The following CMSS1 variants were observed in gnomAD, a reference collection of about 807,000 sequenced individuals.
CMSS1 encodes protein CMSS1.
In CMSS1, 33 loss-of-function variants were observed where a neutral mutation model predicts 43.5. The observed-to-expected ratio is 0.76, with a 90% CI of 0.57 to 1.01. The LOEUF (loss-of-function observed/expected upper bound fraction) is 1.01, where lower values mean the gene tolerates loss of function less well. Ranked by LOEUF, CMSS1 falls within the 50% of genes least tolerant of loss-of-function variation. The pLI is 0.00. For missense variants in CMSS1, 313 were observed against 326.4 expected (o/e 0.96, Z 0.32); for synonymous variants, 115 against 117.2 (o/e 0.98, Z 0.12).
intron 1 of CMSS1, among the ~76,000 whole-genome samples, chr3:100,104,566 C>G (rs1576066706): frequency 6.6e-6 from 1 of 152,112 alleles, no homozygotes; most frequent in East Asian, 1.9e-4. Flanking sequence ...AGGACAGTGA[C>G]CAAGGCAGAG....
At chr3:99,980,427 A>G (rs986868672) in intron 1 of CMSS1, among the ~76,000 whole-genome samples, 6 of 152,194 alleles carry the variant, frequency 3.9e-5, no homozygotes, top group Non-Finnish European at 2.9e-5. Context: ...TAACTGCCCC[A>G]TCAAGGTCTG....
At chr3:99,827,649 G>A (rs536643107) in intron 1 of CMSS1, among the ~76,000 whole-genome samples, 6 of 152,156 alleles carry the variant, frequency 3.9e-5, no homozygotes, top group Admixed American at 3.9e-4. Context: ...TTACTGCCCA[G>A]GCTGGAGTGC....
At chr3:100,049,351 G>T (rs557505368) in intron 1 of CMSS1, among the ~76,000 whole-genome samples, 1 of 152,094 alleles carries the variant, frequency 6.6e-6, no homozygotes, top group African/African-American at 2.4e-5. Flanking sequence ...GGGTCTTACC[G>T]AACTTACCAA....
chr3:99,938,085 G>A (rs575711384), intron 1 of CMSS1, among the ~76,000 whole-genome samples: 45 of 152,192 alleles, frequency 3.0e-4, no homozygotes, highest in Non-Finnish European at 4.9e-4. Flanking sequence ...GCGCGCGCGC[G>A]CGCGCGTGCA....
chr3:99,976,801 TAGA>T (rs1420121939), intron 1 of CMSS1, among the ~76,000 whole-genome samples: 2 of 152,202 alleles, frequency 1.3e-5, no homozygotes, highest in Non-Finnish European at 2.9e-5. Context: ...GATTATTTTT[TAGA>T]AGATGTTTGA....
At chr3:100,058,885 T>C (rs2065510980) in intron 1 of CMSS1, among the ~76,000 whole-genome samples, 1 of 152,264 alleles carries the variant, frequency 6.6e-6, no homozygotes, top group Non-Finnish European at 1.5e-5. Context: ...CTAGAACCTT[T>C]TTCTTTCTGA....
intron 1 of CMSS1, among the ~76,000 whole-genome samples, chr3:99,929,533 T>TGTGTGTGTAAGCACATGTATGTGTGTGC (rs1181469281): frequency 6.6e-6 from 1 of 151,664 alleles, no homozygotes; most frequent in Non-Finnish European, 1.5e-5. Flanking sequence ...TGTGTGTGTG[T>TGTGTGTGTAAGCACATGTATGTGTGTGC]GTGTGTGTAA....
chr3:100,145,794 T>C (rs1277872494), intron 1 of CMSS1, among the ~76,000 whole-genome samples: 1 of 152,238 alleles, frequency 6.6e-6, no homozygotes, highest in East Asian at 1.9e-4. Context: ...TTTCAACCAA[T>C]TGGATGAGGC....
intron 1 of CMSS1, among the ~76,000 whole-genome samples, chr3:100,077,150 C>T (rs987804328): frequency 1.3e-5 from 2 of 152,196 alleles, no homozygotes; most frequent in East Asian, 3.8e-4. Context: ...GCTTGGATAG[C>T]TTGTACTTGA....
At chr3:100,147,134 C>G in intron 2 of CMSS1, 73 bp downstream of exon 2, 2 of 1,511,724 alleles carry the variant, frequency 1.3e-6, no homozygotes, top group South Asian at 2.5e-5. Context: ...CTATTGAACT[C>G]CCCATGTCCT....
At chr3:100,149,660 C>A (rs1456172209) in intron 2 of CMSS1, among the ~76,000 whole-genome samples, 1 of 152,150 alleles carries the variant, frequency 6.6e-6, no homozygotes, top group Non-Finnish European at 1.5e-5. Flanking sequence ...TGCTCCTCTG[C>A]CTCATATGAG....
chr3:99,946,454 A>G (rs1708010827), intron 1 of CMSS1, among the ~76,000 whole-genome samples: 1 of 152,174 alleles, frequency 6.6e-6, no homozygotes, highest in Admixed American at 6.5e-5. Context: ...CTGCTTTCTT[A>G]TTATTGAACC....
chr3:99,853,148 C>T (rs991607084), intron 1 of CMSS1, among the ~76,000 whole-genome samples: 1 of 152,198 alleles, frequency 6.6e-6, no homozygotes, highest in Non-Finnish European at 1.5e-5. Flanking sequence ...TGGGACTTCT[C>T]AACCCAGTGG....
Position 100,082,152 on chromosome 3 carries a change from T to C in CMSS1, c.65-64821T>C, listed in dbSNP as rs2065942645. Among the ~76,000 whole-genome samples, 3 of 152,174 alleles carry C rather than the reference T, an allele frequency of 2.0e-5. No homozygotes were observed. The South Asian group carries it at 6.2e-4, about 32-fold the overall frequency. ...AAATTGCAAAATACAAACAACTCTT[T>C]ATTTTCCCATTATGTTGTTTATAAC... On this transcript the variant is annotated intron_variant, in intron 1 of 9. Transcript: ENST00000421999.
chr3:99,942,324 G>T (rs1160575042), intron 1 of CMSS1, among the ~76,000 whole-genome samples: 1 of 152,108 alleles, frequency 6.6e-6, no homozygotes, highest in African/African-American at 2.4e-5. Flanking sequence ...GAAATGACAT[G>T]TTCTCCTGGG....
chr3:100,172,532 C>A, intron 8 of CMSS1, 129 bp downstream of exon 8: 1 of 686,774 alleles, frequency 1.5e-6, no homozygotes, highest in Non-Finnish European at 2.4e-6. Flanking sequence ...ATTGGAAACT[C>A]AGCCTTTAAT....
intron 1 of CMSS1, among the ~76,000 whole-genome samples, chr3:99,938,650 TGG>T (rs1420875230): frequency 6.6e-6 from 1 of 152,224 alleles, no homozygotes; most frequent in East Asian, 1.9e-4. Flanking sequence ...ATTAAGATTA[TGG>T]GGTTCTCAGC....
At chr3:100,011,065 G>A (rs1290979214) in intron 1 of CMSS1, among the ~76,000 whole-genome samples, 1 of 152,010 alleles carries the variant, frequency 6.6e-6, no homozygotes, top group African/African-American at 2.4e-5. Context: ...ATGGTACCAG[G>A]GCTTGTGGTC....
intron 8 of CMSS1, among the ~76,000 whole-genome samples, chr3:100,172,652 G>T (rs1473910570): frequency 6.6e-6 from 1 of 152,210 alleles, no homozygotes; most frequent in African/African-American, 2.4e-5. Flanking sequence ...CTATAAGCAG[G>T]TTAGTGGTTC....
Sources: allele counts gnomAD v4.1 joint callset (sites outside exome capture counted in the v4.1 genomes callset), GRCh38; gene constraint gnomAD v4.1.1; transcripts MANE v1.5; gene names NCBI Gene and HGNC (gene_info 2026-07-23, HGNC 2026-07-21).